Variants in PCED1B observed in about 807,000 individuals in gnomAD.
PCED1B encodes the protein PC-esterase domain-containing protein 1B.
For synonymous variants in PCED1B, 251 were observed against 246.1 expected, an observed-to-expected ratio of 1.02 and a Z score of -0.19; for missense variants, 573 against 573.9, an observed-to-expected ratio of 1.00 and a Z score of 0.02.
At chr12:47,219,433 T>C (rs1026940606) in intron 3 of PCED1B, among the ~76,000 whole-genome samples, 4 of 152,226 alleles carry the variant, frequency 2.6e-5, no homozygotes, top group Admixed American at 2.6e-4. Flanking sequence ...TAGCTAGTCC[T>C]GGAGCAGAAT....
chr12:47,217,509 AAAGAAAG>A (rs1943326308), intron 3 of PCED1B, among the ~76,000 whole-genome samples: 1 of 139,276 alleles, frequency 7.2e-6, no homozygotes, highest in Non-Finnish European at 1.5e-5. Flanking sequence ...AGAAAGAAAG[AAAGAAAG>A]AAGAAAGAGA....
At chr12:47,086,285 A>T (rs919719703) in intron 1 of PCED1B, among the ~76,000 whole-genome samples, 1 of 151,568 alleles carries the variant, frequency 6.6e-6, no homozygotes, top group African/African-American at 2.4e-5. Flanking sequence ...TTGTTTTTCA[A>T]TGAGAAATAA....
chr12:47,228,883 A>G lies in PCED1B; in HGVS notation c.-57-6124A>G, dbSNP rs951634003. On this transcript the variant is annotated intron_variant, in intron 3 of 3. Coordinates refer to ENST00000546455, the MANE Select transcript of PCED1B (RefSeq NM_138371.3). ...AGTGAAACTCCGTCTCAAAAAAAAA[A>G]AGTTACCTCATGAAGAGGTAATGTT... Among the ~76,000 whole-genome samples, 3 of 151,166 alleles carry G rather than the reference A, an allele frequency of 2.0e-5. No homozygotes were observed. In the East Asian group the frequency reaches 5.9e-4, roughly 30 times the overall value.
At chr12:47,109,971 A>G (rs1427190481) in intron 2 of PCED1B, among the ~76,000 whole-genome samples, 1 of 152,194 alleles carries the variant, frequency 6.6e-6, no homozygotes, top group Non-Finnish European at 1.5e-5. Flanking sequence ...TGGGCAGTAT[A>G]TCAAACTCTT....
chr12:47,095,158 T>G (rs1938436847), intron 1 of PCED1B, among the ~76,000 whole-genome samples: 1 of 151,784 alleles, frequency 6.6e-6, no homozygotes, highest in South Asian at 2.1e-4. Context: ...AGAACATCCT[T>G]TAGTTTTCCT....
chr12:47,214,549 T>C (rs1943190807), intron 2 of PCED1B, among the ~76,000 whole-genome samples: 1 of 152,126 alleles, frequency 6.6e-6, no homozygotes, highest in Non-Finnish European at 1.5e-5. Context: ...GGCTCATGCC[T>C]GTGATCCCAG....
chr12:47,225,130 C>T (rs1943597235), intron 3 of PCED1B, among the ~76,000 whole-genome samples: 1 of 152,118 alleles, frequency 6.6e-6, no homozygotes, highest in Non-Finnish European at 1.5e-5. Context: ...CGGGGTTTTG[C>T]CATGTTGGCC....
intron 1 of PCED1B, among the ~76,000 whole-genome samples, chr12:47,093,939 A>G (rs1487175906): frequency 6.6e-6 from 1 of 152,096 alleles, no homozygotes; most frequent in Non-Finnish European, 1.5e-5. Flanking sequence ...ATTAGATTAC[A>G]TATGTTAACT....
chr12:47,140,210 G>T (rs931735497), intron 2 of PCED1B, among the ~76,000 whole-genome samples: 1 of 152,106 alleles, frequency 6.6e-6, no homozygotes, highest in Non-Finnish European at 1.5e-5. Context: ...TTCTGAAAAA[G>T]AACATTGTTT....
chr12:47,235,423 C>G lies in PCED1B; in HGVS notation c.360C>G (p.Ile120Met), dbSNP rs768849705. ...QSGEHAPDLV[I>M]MNSCLWDISR... ...GCGAGCACGCCCCCGACCTGGTCAT[C>G]ATGAATTCCTGCCTCTGGGACATCT... The change falls in exon 4 of 4, where the codon ATC (isoleucine) becomes ATG (methionine). Residue 120 changes from isoleucine to methionine, a missense_variant. By Grantham distance (10) the Ile-to-Met change is conservative. Coordinates refer to ENST00000546455, the MANE Select transcript of PCED1B (RefSeq NM_138371.3). 1.2e-6 allele frequency: 2 copies of G among 1,614,164 alleles called. No individual in the cohort carries two copies. The highest frequency in any genetic ancestry group is 2.2e-5 in the South Asian group (2 of 91,086).
At chr12:47,090,855 C>T (rs938675470) in intron 1 of PCED1B, among the ~76,000 whole-genome samples, 3 of 151,914 alleles carry the variant, frequency 2.0e-5, no homozygotes, top group Non-Finnish European at 2.9e-5. Flanking sequence ...GTTCATGGGC[C>T]GGTTTGTTGG....
chr12:47,080,151 C>T (rs1941955629), intron 1 of PCED1B, among the ~76,000 whole-genome samples: 1 of 152,008 alleles, frequency 6.6e-6, no homozygotes, highest in African/African-American at 2.4e-5. Context: ...CAGGGGTCCA[C>T]ACCAGAGGCC....
chr12:47,236,026 T>A lies in PCED1B; in HGVS notation c.963T>A (p.Pro321=). The change falls in exon 4 of 4, where the codon CCT becomes CCA. Residue 321 remains proline, a synonymous_variant. Transcript: ENST00000546455. The stretch of plus-strand genomic sequence containing the variant: ...TCCCGCTCCTGTCCCCACAGCCTCC[T>A]CCTCCCATTCTCCATCACCAGGGAA... ...PLLPLLSPQP[P]PPILHHQGMP... The A allele has an allele frequency of 6.2e-7, 1 of 1,609,282 alleles. No individual in the cohort carries two copies. The highest frequency in any genetic ancestry group is 8.5e-7 in the Non-Finnish European group (1 of 1,178,876).
At chr12:47,127,679 T>TTTTGGTA (rs1939950753) in intron 2 of PCED1B, among the ~76,000 whole-genome samples, 6 of 152,144 alleles carry the variant, frequency 3.9e-5, no homozygotes, top group African/African-American at 1.4e-4. Flanking sequence ...TTTTTATTTC[T>TTTTGGTA]AATTTAATTC....
chr12:47,197,581 C>A (rs1942644860), intron 2 of PCED1B, among the ~76,000 whole-genome samples: 2 of 151,640 alleles, frequency 1.3e-5, no homozygotes, highest in South Asian at 4.1e-4. Context: ...GCACTCCAGC[C>A]TGGGCAACAA....
chr12:47,131,798 A>T (rs1409688269), intron 2 of PCED1B, among the ~76,000 whole-genome samples: 1 of 151,306 alleles, frequency 6.6e-6, no homozygotes, highest in Non-Finnish European at 1.5e-5. Context: ...CCTCCCGAGT[A>T]GCTGGGATTA....
chr12:47,162,787 A>G (rs1391448380), intron 2 of PCED1B, among the ~76,000 whole-genome samples: 1 of 152,178 alleles, frequency 6.6e-6, no homozygotes, highest in Admixed American at 6.5e-5. Flanking sequence ...TGACCCTAAT[A>G]CCTTCCACTA....
chr12:47,215,850 T>C (rs1388595774), intron 2 of PCED1B, among the ~76,000 whole-genome samples: 1 of 134,788 alleles, frequency 7.4e-6, no homozygotes, highest in East Asian at 2.1e-4. Flanking sequence ...AGGTAAGGAG[T>C]TCGAGACCAG....
chr12:47,159,669 T>A (rs1941307939), intron 2 of PCED1B, among the ~76,000 whole-genome samples: 1 of 152,186 alleles, frequency 6.6e-6, no homozygotes, highest in African/African-American at 2.4e-5. Flanking sequence ...GCAAATATTT[T>A]CTCCCATTCT....
Sources: allele counts gnomAD v4.1 joint callset (sites outside exome capture counted in the v4.1 genomes callset), GRCh38; gene constraint gnomAD v4.1.1; transcripts MANE v1.5; gene names NCBI Gene and HGNC (gene_info 2026-07-23, HGNC 2026-07-21).